YEATS2: variants seen among roughly 807,000 people sequenced by gnomAD.
YEATS2 encodes the protein YEATS domain containing 2.
Under a neutral mutation model 163.2 loss-of-function variants are expected in YEATS2, and 77 were observed. The ratio of observed to expected loss-of-function variants is 0.47; its 90% CI spans 0.39 to 0.57. The LOEUF is 0.57. YEATS2 is among the 20% of genes least tolerant of loss of function. The pLI, the probability that YEATS2 is intolerant of heterozygous loss-of-function variation, is 0.00. For missense variants in YEATS2, 1,549 were observed against 1,729.8 expected (o/e 0.90, Z 1.85); for synonymous variants, 631 against 645.1 (o/e 0.98, Z 0.33).
chr3:183,797,435 C>T (rs2108505324), intron 21 of YEATS2, among the ~76,000 whole-genome samples: 1 of 152,074 alleles, frequency 6.6e-6, no homozygotes, highest in East Asian at 1.9e-4. Flanking sequence ...GTACCAGCCA[C>T]TCTGGAAGCT....
In YEATS2 at chr3:183,752,208, A is replaced by G. The variant is rs749014894; in HGVS notation, c.1105A>G (p.Ile369Val). 9.9e-6 allele frequency: 16 copies of G among 1,614,070 alleles called. No individual in the cohort carries two copies. Among genetic ancestry groups the G allele is most frequent in the East Asian group, 2.2e-5 (1 of 44,898 alleles). The stretch of plus-strand genomic sequence containing the variant: ...AGCCCCAGTGAAAGCTTCTTCACCA[A>G]TAAAGCAGTCACATGAGCCAGTACC... ...IPAPVKASSP[I>V]KQSHEPVPDT... is the part of the protein sequence containing the mutation. The change falls in exon 10 of 31, where the codon ATA (isoleucine) becomes GTA (valine). Residue 369 changes from isoleucine to valine, a missense_variant. By Grantham distance (29) the Ile-to-Val change is conservative. Transcript: ENST00000305135.
Position 183,741,370 on chromosome 3 carries a change from T to C in YEATS2, c.924+4541T>C, listed in dbSNP as rs141466407. Among the ~76,000 whole-genome samples, 461 of 152,024 alleles carry C rather than the reference T, an allele frequency of 3.0e-3. 6 individuals carry two copies. The highest frequency in any genetic ancestry group is 0.023 in the Admixed American group (357 of 15,268). ...ACAAAAAAGCCTGGGTGACAACACA[T>C]CTGTTTATAGCATGGTTTACTGAAA... On this transcript the variant is annotated intron_variant, in intron 8 of 30. Coordinates refer to ENST00000305135, the MANE Select transcript of YEATS2 (RefSeq NM_018023.5).
At chr3:183,721,481 C>A (rs574192623) in intron 4 of YEATS2, among the ~76,000 whole-genome samples, 3 of 152,246 alleles carry the variant, frequency 2.0e-5, no homozygotes, top group Middle Eastern at 3.4e-3. Context: ...TTACATTTTA[C>A]TCTTATGTGG....
intron 21 of YEATS2, among the ~76,000 whole-genome samples, chr3:183,796,844 T>C (rs777151537): frequency 1.3e-5 from 2 of 152,076 alleles, no homozygotes; most frequent in Admixed American, 1.3e-4. Context: ...CTGAAAACAT[T>C]AGTATTGATT....
intron 5 of YEATS2, among the ~76,000 whole-genome samples, chr3:183,723,486 A>G (rs1716748240): frequency 6.6e-6 from 1 of 152,250 alleles, no homozygotes. Flanking sequence ...ACAGAAAAGT[A>G]AAAAAGAATA....
At position 183,797,576 on chromosome 3, in the gene YEATS2, A is replaced by AAATG. The variant is rs56047658; in HGVS notation, c.3098-347_3098-346insAATG. On this transcript the variant is annotated intron_variant, in intron 21 of 30. Coordinates refer to ENST00000305135, the MANE Select transcript of YEATS2 (RefSeq NM_018023.5). Reference sequence around the variant, plus strand: ...TAAATAAATAAATAAATAAATAAATAGGGACCAGGCATGGTGGCTCATGTC... The same window carrying AAATG: ...TAAATAAATAAATAAATAAATAAATAAATGGGGACCAGGCATGGTGGCTCATGTC... Among the ~76,000 whole-genome samples, 3 of 151,250 alleles carry AAATG rather than the reference A, an allele frequency of 2.0e-5. No homozygotes were observed. In the East Asian group the frequency reaches 5.9e-4, roughly 30 times the overall value.
At chr3:183,793,186 A>ACACT in intron 21 of YEATS2, 1 of 1,286,048 alleles carries the variant, frequency 7.8e-7, no homozygotes, top group Non-Finnish European at 1.0e-6. Context: ...ATACACACAC[A>ACACT]CACTCACGCA....
intron 1 of YEATS2, among the ~76,000 whole-genome samples, chr3:183,712,061 G>A (rs1029147821): frequency 6.6e-6 from 1 of 151,220 alleles, no homozygotes; most frequent in Non-Finnish European, 1.5e-5. Context: ...CTCATGATCC[G>A]CCTACCTTGC....
At chr3:183,710,850 G>A (rs1715122640) in intron 1 of YEATS2, among the ~76,000 whole-genome samples, 1 of 152,178 alleles carries the variant, frequency 6.6e-6, no homozygotes, top group Non-Finnish European at 1.5e-5. Context: ...ATGGATAAGT[G>A]AGGATGATGC....
At chr3:183,699,711 A>G (rs1014202116) in intron 1 of YEATS2, among the ~76,000 whole-genome samples, 3 of 152,208 alleles carry the variant, frequency 2.0e-5, no homozygotes, top group African/African-American at 7.2e-5. Flanking sequence ...AGGACGCAGG[A>G]AACAGCAAGT....
chr3:183,735,279 A>C (rs1319343216), intron 7 of YEATS2, among the ~76,000 whole-genome samples: 1 of 152,172 alleles, frequency 6.6e-6, no homozygotes, highest in Non-Finnish European at 1.5e-5. Flanking sequence ...CATCAGTAGA[A>C]TTTCCATTAA....
chr3:183,799,814 ATTG>A (rs1476523761), intron 23 of YEATS2, among the ~76,000 whole-genome samples: 5 of 143,624 alleles, frequency 3.5e-5, no homozygotes, highest in African/African-American at 1.3e-4. Flanking sequence ...TTAGAGTAGC[ATTG>A]TTTTTTTTTT....
At chr3:183,762,305 T>G (rs2109352446) in intron 15 of YEATS2, 26 bp downstream of exon 15, 1 of 1,534,284 alleles carries the variant, frequency 6.5e-7, no homozygotes, top group Non-Finnish European at 8.8e-7. Context: ...AGATGGGAAA[T>G]TTCACATGTA....
Position 183,776,117 on chromosome 3 carries a change from T to C in YEATS2, c.2571T>C (p.Thr857=). The C allele has an allele frequency of 6.4e-7, 1 of 1,567,178 alleles. No homozygotes were observed. Among genetic ancestry groups the C allele is most frequent in the Non-Finnish European group, 8.6e-7 (1 of 1,157,798 alleles). ...LTYTSYILKQ[T]PQGTFLVGQP... ...ACACATCTTACATCCTCAAGCAAACTCCCCAGGTCTGGTTCTCTGTAACTG... is the reference window on the plus strand; with the variant it reads ...ACACATCTTACATCCTCAAGCAAACCCCCCAGGTCTGGTTCTCTGTAACTG... Residue 857 remains threonine (T), a synonymous_variant, in exon 18 of 31, where the codon ACT becomes ACC. Transcript: ENST00000305135.
At chr3:183,705,916 T>A (rs1714570313) in intron 1 of YEATS2, among the ~76,000 whole-genome samples, 1 of 151,788 alleles carries the variant, frequency 6.6e-6, no homozygotes, top group African/African-American at 2.4e-5. Flanking sequence ...GGCGGGCGCC[T>A]GTAGTCCCAG....
chr3:183,703,038 G>A (rs561197105), intron 1 of YEATS2, among the ~76,000 whole-genome samples: 6 of 152,188 alleles, frequency 3.9e-5, no homozygotes, highest in East Asian at 1.9e-4. Context: ...TCTTAAAGCC[G>A]TTTTATTTAT....
chr3:183,764,869 C>G (rs564813607), intron 15 of YEATS2, among the ~76,000 whole-genome samples: 1 of 152,252 alleles, frequency 6.6e-6, no homozygotes, highest in East Asian at 1.9e-4. Context: ...AGTTTATTAA[C>G]GACTTTCTCA....
rs1725962533 is a variant in YEATS2 at position 183,804,208 on chromosome 3, G to C, written c.3784+20G>C. On this transcript the variant is annotated intron_variant, in intron 27 of 30. Coordinates refer to ENST00000305135, the MANE Select transcript of YEATS2 (RefSeq NM_018023.5). ...AGCCCGGTAAGCCTTCAGTGGCACT[G>C]CCCAGAGCGCCTGGCAGCCTGGAGG... is the stretch of plus-strand genomic sequence containing the variant. The C allele has an allele frequency of 1.2e-6, 2 of 1,613,256 alleles. No homozygotes were observed. The highest frequency in any genetic ancestry group is 2.2e-5 in the South Asian group (2 of 91,010).
At chr3:183,764,836 A>T (rs1009494807) in intron 15 of YEATS2, among the ~76,000 whole-genome samples, 1 of 152,100 alleles carries the variant, frequency 6.6e-6, no homozygotes, top group South Asian at 2.1e-4. Context: ...TCGTGGTGTT[A>T]TCGGTGGTTC....
Sources: gnomAD v4.1 joint callset for allele counts (sites outside exome capture counted in the v4.1 genomes callset) on GRCh38, gnomAD v4.1.1 for gene constraint, MANE v1.5 for transcripts, NCBI Gene and HGNC (gene_info 2026-07-23, HGNC 2026-07-21) for gene names.